The following MYLK variants were observed in gnomAD, a reference collection of about 807,000 sequenced individuals.
MYLK encodes the protein myosin light chain kinase, smooth muscle.
Under a neutral mutation model 203.4 loss-of-function variants are expected in MYLK, and 106 were observed. The observed-to-expected ratio is 0.52, with a 90% CI of 0.45 to 0.61. The LOEUF (loss-of-function observed/expected upper bound fraction) is 0.61. Ranked by LOEUF, MYLK falls within the 20% of genes least tolerant of loss-of-function variation. MYLK has a pLI of 0.00. For missense variants in MYLK, 2,072 were observed against 2,442.3 expected (o/e 0.85, Z 3.20); for synonymous variants, 867 against 959.5 (o/e 0.90, Z 1.78).
At chr3:123,638,781 C>T in intron 28 of MYLK, 1 of 985,442 alleles carries the variant, frequency 1.0e-6, no homozygotes, top group Non-Finnish European at 1.2e-6. Context: ...CATGGCTGTC[C>T]TTCAGGAGCT....
At chr3:123,844,029 A>G (rs1216999935) in intron 2 of MYLK, among the ~76,000 whole-genome samples, 2 of 152,160 alleles carry the variant, frequency 1.3e-5, no homozygotes, top group African/African-American at 4.8e-5. Flanking sequence ...CAAATCTTCT[A>G]GGTTTATGCT....
Position 123,682,217 on chromosome 3 carries a change from T to TA in MYLK, c.3652+6dup, listed in dbSNP as rs1178125523. On this transcript the variant is annotated splice_region_variant and intron_variant, in intron 20 of 33. Transcript: ENST00000360304. ...CCTCTGCCTGGTGAAGCTGGGCGAG[T>TA]ACTCACTCTCAGTTCCTAGCACGGG... is the stretch of plus-strand genomic sequence containing the variant. 6.3e-7 allele frequency: 1 copy of TA among 1,594,366 alleles called. No homozygotes were observed. Among genetic ancestry groups the TA allele is most frequent in the South Asian group, 1.1e-5 (1 of 87,438 alleles).
intron 29 of MYLK, among the ~76,000 whole-genome samples, chr3:123,632,127 G>A (rs1037889759): frequency 4.6e-5 from 7 of 151,868 alleles, no homozygotes; most frequent in South Asian, 2.1e-4. Flanking sequence ...TGCCTGCCTC[G>A]GCCTCCCAAA....
chr3:123,857,884 C>T (rs952274177), intron 2 of MYLK, among the ~76,000 whole-genome samples: 1 of 152,144 alleles, frequency 6.6e-6, no homozygotes, highest in Non-Finnish European at 1.5e-5. Context: ...TGGGGCAAAT[C>T]CAGCCTAATA....
intron 20 of MYLK, among the ~76,000 whole-genome samples, chr3:123,669,401 G>T (rs2059837760): frequency 6.7e-6 from 1 of 148,368 alleles, no homozygotes; most frequent in Non-Finnish European, 1.5e-5. Context: ...ATCAAGACGT[G>T]GTCCACAGGA....
At chr3:123,707,185 C>T (rs561005023) in intron 16 of MYLK, among the ~76,000 whole-genome samples, 3 of 152,258 alleles carry the variant, frequency 2.0e-5, no homozygotes, top group South Asian at 4.1e-4. Flanking sequence ...AGTGAGGAGC[C>T]GAGGCCTCCC....
intron 10 of MYLK, among the ~76,000 whole-genome samples, chr3:123,733,303 G>A (rs1454751851): frequency 1.3e-5 from 2 of 152,166 alleles, no homozygotes; most frequent in Non-Finnish European, 2.9e-5. Context: ...CCTTGAGGAG[G>A]ATGAATACAG....
At chr3:123,867,571 A>C (rs764456886) in intron 2 of MYLK, among the ~76,000 whole-genome samples, 2 of 152,106 alleles carry the variant, frequency 1.3e-5, no homozygotes, top group Non-Finnish European at 2.9e-5. Flanking sequence ...ACATGCACCC[A>C]AGGAATGCCA....
rs763488992 is a variant in MYLK, at chr3:123,733,054, G to A, written c.1358C>T (p.Pro453Leu). The change falls in exon 11 of 34, where the codon CCC becomes CTC. Residue 453 changes from proline (P) to leucine (L), a missense_variant. Around this residue, in one of 3 missense-constraint regions of MYLK, gnomAD observed 683 missense variants for 643.8 expected, o/e 1.06. Transcript: ENST00000360304. Reference sequence around the variant, plus strand: ...AATGCTGCCTTCCTGTCTCCTCACGGGGGTGCCTTCCAGGAACCAGGCCAC... The same window carrying A: ...AATGCTGCCTTCCTGTCTCCTCACGAGGGTGCCTTCCAGGAACCAGGCCAC... Reference protein sequence around the residue: ...PEVAWFLEGTPVRRQEGSIEV... With the variant: ...PEVAWFLEGTLVRRQEGSIEV... The A allele has an allele frequency of 2.5e-6, 4 of 1,614,082 alleles. No individual in the cohort carries two copies. The South Asian group carries it at 4.4e-5, about 18-fold the overall frequency.
intron 5 of MYLK, among the ~76,000 whole-genome samples, chr3:123,746,826 C>G (rs1018681158): frequency 1.3e-5 from 2 of 151,964 alleles, no homozygotes; most frequent in Non-Finnish European, 2.9e-5. Flanking sequence ...AGGGTATATA[C>G]CCCTAGAAAA....
chr3:123,669,757 A>T (rs2108363059), intron 20 of MYLK, among the ~76,000 whole-genome samples: 1 of 152,282 alleles, frequency 6.6e-6, no homozygotes, highest in African/African-American at 2.4e-5. Flanking sequence ...AAGCAAGGCC[A>T]GGTGCATTGG....
At chr3:123,869,052 C>A (rs1164269986) in intron 2 of MYLK, among the ~76,000 whole-genome samples, 1 of 152,054 alleles carries the variant, frequency 6.6e-6, no homozygotes, top group Non-Finnish European at 1.5e-5. Context: ...CCAGTAAAAG[C>A]CTTGGTCTGA....
chr3:123,802,961 T>C (rs2065245985), intron 3 of MYLK, among the ~76,000 whole-genome samples: 1 of 151,726 alleles, frequency 6.6e-6, no homozygotes, highest in Non-Finnish European at 1.5e-5. Flanking sequence ...TGCCCCCCAC[T>C]CCATTCTGCC....
intron 19 of MYLK, among the ~76,000 whole-genome samples, chr3:123,687,414 G>T (rs183281033): frequency 6.6e-6 from 1 of 152,254 alleles, no homozygotes; most frequent in East Asian, 1.9e-4. Flanking sequence ...TAGTTAGGGT[G>T]ACCTTGAGCA....
At chr3:123,809,893 A>G (rs1471115227) in intron 3 of MYLK, among the ~76,000 whole-genome samples, 2 of 152,176 alleles carry the variant, frequency 1.3e-5, no homozygotes, top group Non-Finnish European at 2.9e-5. Flanking sequence ...GTTCTTATAC[A>G]TAGGAATCCT....
chr3:123,883,387 C>T (rs1167573901), intron 1 of MYLK, among the ~76,000 whole-genome samples: 1 of 152,148 alleles, frequency 6.6e-6, no homozygotes, highest in Non-Finnish European at 1.5e-5. Flanking sequence ...GCTGGGTCTT[C>T]TCCTTCTGGC....
At chr3:123,739,208 G>GCC in intron 6 of MYLK, 146 bp from the exon 7 acceptor site, 3 of 930,946 alleles carry the variant, frequency 3.2e-6, no homozygotes, top group Non-Finnish European at 3.4e-6. Context: ...ACTTTCTCAT[G>GCC]CTCTCTCTAG....
chr3:123,839,155 A>C (rs1353650079), intron 2 of MYLK, among the ~76,000 whole-genome samples: 3 of 152,076 alleles, frequency 2.0e-5, no homozygotes, highest in Non-Finnish European at 2.9e-5. Context: ...AAAAGAGGAT[A>C]AAAGGGACAA....
At position 123,613,163 on chromosome 3, in the gene MYLK, C is replaced by G. The variant is rs923935536; in HGVS notation, c.*942G>C. On this transcript the variant is annotated 3_prime_UTR_variant, in exon 34 of 34. Coordinates refer to ENST00000360304, the MANE Select transcript of MYLK (RefSeq NM_053025.4). Reference sequence around the variant, plus strand: ...TTCCAAAGTACATGGAGTTCTCCAGCTCTTTATCAGTTGAAATCTGTTTCA... The same window carrying G: ...TTCCAAAGTACATGGAGTTCTCCAGGTCTTTATCAGTTGAAATCTGTTTCA... 1.3e-4 allele frequency: 20 copies of G among 152,316 alleles called. No homozygotes were observed. The highest frequency in any genetic ancestry group is 4.8e-4 in the African/African-American group (20 of 41,564). The allele number at this position is 152,316 out of a possible 1,614,324, so 9.4% of individuals were successfully genotyped here. A position where few individuals can be genotyped will look rare whatever the true frequency, so the allele number is the denominator to read the frequency against.
Sources: allele counts gnomAD v4.1 joint callset (sites outside exome capture counted in the v4.1 genomes callset), GRCh38; gene constraint gnomAD v4.1.1; regional missense constraint gnomAD v4.1.1; transcripts MANE v1.5; gene names NCBI Gene and HGNC (gene_info 2026-07-23, HGNC 2026-07-21).